KPNA7: variants seen among roughly 807,000 people sequenced by gnomAD.
KPNA7 encodes karyopherin subunit alpha 7.
KPNA7 carries 54 observed loss-of-function variants against 53.7 expected under a neutral mutation model. The observed-to-expected ratio is 1.01, with a 90% CI of 0.81 to 1.26. The LOEUF is 1.26. KPNA7 is among the 50% of genes most tolerant of loss of function. KPNA7 has a pLI of 0.00. For missense variants in KPNA7, 640 were observed against 644.5 expected (o/e 0.99, Z 0.07); for synonymous variants, 276 against 259.3 (o/e 1.06, Z -0.62).
At chr7:99,213,309 T>C (rs1791123484) in intron 1 of KPNA7, among the ~76,000 whole-genome samples, 1 of 151,596 alleles carries the variant, frequency 6.6e-6, no homozygotes, top group Non-Finnish European at 1.5e-5. Flanking sequence ...TTTGTATTTT[T>C]AGTAGAGACG....
At chr7:99,157,950 TG>T in the KPNA7 span, among the ~76,000 whole-genome samples, 1 of 151,986 alleles carries the variant, frequency 6.6e-6, no homozygotes, top group South Asian at 2.1e-4. Context: ...AATTTTTTTT[TG>T]ATTTTTTGTA....
At chr7:99,187,917 T>G (rs754217590) in intron 7 of KPNA7, among the ~76,000 whole-genome samples, 106 of 146,184 alleles carry the variant, frequency 7.3e-4, no homozygotes, top group Non-Finnish European at 1.4e-3. Flanking sequence ...GGCTCACACC[T>G]CTAATCCCAG....
intron 3 of KPNA7, among the ~76,000 whole-genome samples, chr7:99,202,741 A>T (rs1310066192): frequency 6.6e-6 from 1 of 152,110 alleles, no homozygotes; most frequent in Non-Finnish European, 1.5e-5. Flanking sequence ...CATACTCTGG[A>T]AGCTGAGGCA....
chr7:99,196,014 GCGCTCCAGCCATCACTGA>G (rs1790211699), intron 4 of KPNA7, 52 bp downstream of exon 4: 1 of 1,288,452 alleles, frequency 7.8e-7, no homozygotes, highest in South Asian at 1.3e-5. Context: ...TAGGCCACCG[GCGCTCCAGCCATCACTGA>G]CGCTCATTGC....
At chr7:99,216,262 C>T (rs950064812) in intron 1 of KPNA7, among the ~76,000 whole-genome samples, 1 of 152,102 alleles carries the variant, frequency 6.6e-6, no homozygotes, top group Non-Finnish European at 1.5e-5. Context: ...GTCCTGGGCT[C>T]AAGTGATCCT....
chr7:99,156,313 TCA>T, the KPNA7 span, among the ~76,000 whole-genome samples: 8 of 152,230 alleles, frequency 5.3e-5, no homozygotes, highest in Non-Finnish European at 1.2e-4. Flanking sequence ...AATTTTTCTA[TCA>T]TTCAGAGTCC....
chr7:99,209,173 C>T (rs912477702), upstream of KPNA7, among the ~76,000 whole-genome samples: 3 of 151,704 alleles, frequency 2.0e-5, no homozygotes, highest in Non-Finnish European at 4.4e-5. Flanking sequence ...GAAAAGAAGG[C>T]TTTCACACGG....
intron 3 of KPNA7, among the ~76,000 whole-genome samples, chr7:99,196,942 AT>A (rs1790256583): frequency 1.3e-5 from 2 of 152,164 alleles, no homozygotes; most frequent in Non-Finnish European, 2.9e-5. Context: ...GAGAGGTTGA[AT>A]AAGAGTTGGG....
chr7:99,203,043 C>G, intron 3 of KPNA7, 63 bp downstream of exon 3: 1 of 1,509,322 alleles, frequency 6.6e-7, no homozygotes, highest in Non-Finnish European at 9.0e-7. Flanking sequence ...AAATATTATC[C>G]AGCCAGAGAC....
chr7:99,149,070 A>G, the KPNA7 span, among the ~76,000 whole-genome samples: 1 of 151,642 alleles, frequency 6.6e-6, no homozygotes, highest in Non-Finnish European at 1.5e-5. Context: ...TAAGTTTTGT[A>G]TTTTTAGTAG....
chr7:99,178,610 G>A (rs922348546), intron 9 of KPNA7, among the ~76,000 whole-genome samples: 1 of 151,522 alleles, frequency 6.6e-6, no homozygotes, highest in Non-Finnish European at 1.5e-5. Context: ...AGACTCAGAA[G>A]GTATCACAAT....
At chr7:99,165,148 AAAAAT>A in the KPNA7 span, among the ~76,000 whole-genome samples, 12 of 152,240 alleles carry the variant, frequency 7.9e-5, no homozygotes, top group African/African-American at 1.4e-4. Flanking sequence ...CTCAAAAAAT[AAAAAT>A]AAAATAAAAT....
the KPNA7 span, among the ~76,000 whole-genome samples, chr7:99,153,328 C>T: frequency 2.6e-5 from 4 of 151,540 alleles, no homozygotes; most frequent in Non-Finnish European, 5.9e-5. Context: ...GAGGCCGAGG[C>T]GGACAGATCA....
intron 3 of KPNA7, among the ~76,000 whole-genome samples, chr7:99,198,325 A>G (rs1400105457): frequency 6.6e-6 from 1 of 152,208 alleles, no homozygotes; most frequent in African/African-American, 2.4e-5. Context: ...GGATATTACA[A>G]GAAAAGTATA....
At chr7:99,147,286 A>G in the KPNA7 span, among the ~76,000 whole-genome samples, 1 of 152,224 alleles carries the variant, frequency 6.6e-6, no homozygotes, top group East Asian at 1.9e-4. Context: ...AAGAAGAGAA[A>G]TGGAGACATC....
intron 10 of KPNA7, among the ~76,000 whole-genome samples, chr7:99,175,801 T>A (rs1798878950): frequency 6.6e-6 from 1 of 151,502 alleles, no homozygotes; most frequent in South Asian, 2.1e-4. Flanking sequence ...CATGAACCAC[T>A]GCTCCCAGCC....
the KPNA7 span, among the ~76,000 whole-genome samples, chr7:99,166,789 T>C: frequency 6.6e-6 from 1 of 151,928 alleles, no homozygotes; most frequent in East Asian, 1.9e-4. Flanking sequence ...CCAGCTAATT[T>C]TTTGTATCTT....
intron 3 of KPNA7, 113 bp from the exon 4 acceptor site, chr7:99,196,279 C>A: frequency 1.4e-6 from 1 of 700,204 alleles, no homozygotes. Context: ...CAGGATGTCC[C>A]ATCTTGCATG....
rs770832111 is a variant in KPNA7, at chr7:99,188,483, C to T, written c.717G>A (p.Val239=). ...NKNPYPCDTA[V]KQILPALLHL... ...GAAGGAGGGCCGGCAGTATCTGCTTCACCGCAGTGTCGCAAGGGTATGGGT... is the reference window on the plus strand; with the variant it reads ...GAAGGAGGGCCGGCAGTATCTGCTTTACCGCAGTGTCGCAAGGGTATGGGT... Residue 239 remains valine (V), a synonymous_variant, in exon 7 of 11, where the codon GTG becomes GTA. Coordinates refer to ENST00000327442, the MANE Select transcript of KPNA7 (RefSeq NM_001145715.3). 1.3e-6 allele frequency: 2 copies of T among 1,551,738 alleles called. No individual in the cohort carries two copies. Among genetic ancestry groups the T allele is most frequent in the East Asian group, 2.4e-5 (1 of 40,924 alleles).
Sources: gnomAD v4.1 joint callset for allele counts (sites outside exome capture counted in the v4.1 genomes callset) on GRCh38, gnomAD v4.1.1 for gene constraint, MANE v1.5 for transcripts, NCBI Gene and HGNC (gene_info 2026-07-23, HGNC 2026-07-21) for gene names.